ENO4: variants seen among roughly 807,000 people sequenced by gnomAD.
The protein encoded by ENO4 is enolase 4, also known as 2-phospho-D-glycerate hydro-lyase.
Under a neutral mutation model 63.2 loss-of-function variants are expected in ENO4, and 53 were observed. That is an observed-to-expected ratio of 0.84 (90% CI 0.67 to 1.05). ENO4 has a LOEUF of 1.05. Among genes scored for constraint, ENO4 ranks in the 50% least tolerant of loss-of-function variants. ENO4 has a pLI of 0.00. For synonymous variants in ENO4, 266 were observed against 283.8 expected (o/e 0.94, Z 0.63); for missense variants, 719 against 772.0 (o/e 0.93, Z 0.81).
intron 9 of ENO4, among the ~76,000 whole-genome samples, chr10:116,872,155 C>T (rs989876998): frequency 6.6e-6 from 1 of 152,194 alleles, no homozygotes; most frequent in African/African-American, 2.4e-5. Context: ...CAAGATCGTG[C>T]CATTGCACTC....
chr10:116,879,690 T>C (rs1386352884), intron 12 of ENO4, among the ~76,000 whole-genome samples, 179 bp from the exon 13 acceptor site: 2 of 152,344 alleles, frequency 1.3e-5, no homozygotes, highest in Middle Eastern at 3.4e-3. Flanking sequence ...AGCCACATCA[T>C]CTGTTTGCCT....
intron 7 of ENO4, among the ~76,000 whole-genome samples, chr10:116,865,691 G>A (rs752529342): frequency 3.4e-4 from 51 of 152,162 alleles, no homozygotes; most frequent in Middle Eastern, 3.2e-3. Flanking sequence ...TCTTGGCTTG[G>A]AAGGAGAGTT....
chr10:116,906,723 A>G (rs763331501), intron 10 of ENO4: 1 of 1,612,934 alleles, frequency 6.2e-7, no homozygotes, highest in Non-Finnish European at 8.5e-7. Flanking sequence ...AAGCTTCTTG[A>G]ACTAGTGGAT....
chr10:116,886,236 G>C, downstream of ENO4: 2 of 1,451,852 alleles, frequency 1.4e-6, no homozygotes, highest in Non-Finnish European at 1.9e-6. Context: ...CCTGTATTCT[G>C]AATACAGTGA....
At chr10:116,907,236 C>T (rs1341608019) in intron 10 of ENO4, among the ~76,000 whole-genome samples, 2 of 152,130 alleles carry the variant, frequency 1.3e-5, no homozygotes, top group African/African-American at 4.8e-5. Flanking sequence ...GGCGTCGTAG[C>T]TGTCAAAGGA....
rs1332546263 is a variant in ENO4, at chr10:116,856,545, G to T, written c.348G>T (p.Leu116=). 6.5e-7 allele frequency: 1 copy of T among 1,536,126 alleles called. No homozygotes were observed. Among genetic ancestry groups the T allele is most frequent in the South Asian group, 1.2e-5 (1 of 84,060 alleles). The change falls in exon 3 of 14, where the codon CTG becomes CTT. Residue 116 remains leucine (L), a synonymous_variant. Transcript: ENST00000341276. ...ATTTTGAAGTCCATGAGAATGCTCT[G>T]CCCGAGCTGGCCAAGGCGGAGGAGG... ...STHFEVHENA[L]PELAKAEEAE...
At chr10:116,895,931 T>C (rs1847501054) in intron 10 of ENO4, among the ~76,000 whole-genome samples, 6 of 152,140 alleles carry the variant, frequency 3.9e-5, no homozygotes, top group East Asian at 1.9e-4. Context: ...TTAATATTAG[T>C]GAAATACAGT....
At chr10:116,876,948 C>CA (rs1467916452) in intron 11 of ENO4, among the ~76,000 whole-genome samples, 3 of 150,356 alleles carry the variant, frequency 2.0e-5, no homozygotes, top group Non-Finnish European at 4.4e-5. Flanking sequence ...GACTCCGTCT[C>CA]AAAATTAATT....
chr10:116,871,428 C>A, intron 9 of ENO4, 136 bp downstream of exon 9: 1 of 814,698 alleles, frequency 1.2e-6, no homozygotes, highest in Non-Finnish European at 1.8e-6. Flanking sequence ...TGTGAAGGAT[C>A]CAAATATAAT....
chr10:116,852,605 TACAA>T (rs899763490), intron 1 of ENO4, among the ~76,000 whole-genome samples: 6 of 152,324 alleles, frequency 3.9e-5, no homozygotes, highest in African/African-American at 1.2e-4. Flanking sequence ...ACAAACACGA[TACAA>T]ACAGAGAGTT....
intron 10 of ENO4, chr10:116,901,894 C>T: frequency 6.2e-7 from 1 of 1,608,136 alleles, no homozygotes; most frequent in Non-Finnish European, 8.5e-7. Context: ...TTTTGTTACA[C>T]TGGATACAGA....
At chr10:116,854,511 G>A (rs1452128327) in intron 1 of ENO4, among the ~76,000 whole-genome samples, 1 of 149,444 alleles carries the variant, frequency 6.7e-6, no homozygotes, top group Non-Finnish European at 1.5e-5. Context: ...GGTGAGCAGA[G>A]ATCATGCCAT....
chr10:116,880,436 T>C (rs1436156254), intron 13 of ENO4, among the ~76,000 whole-genome samples: 3 of 152,230 alleles, frequency 2.0e-5, no homozygotes, highest in Non-Finnish European at 4.4e-5. Flanking sequence ...AAATCGATCA[T>C]TTAATGAAAT....
In ENO4 at chr10:116,882,200, C is replaced by T. The variant is rs926525693; in HGVS notation, c.*531C>T. The T allele has an allele frequency of 6.6e-6, 1 of 151,982 alleles. No homozygotes were observed. Among genetic ancestry groups the T allele is most frequent in the Admixed American group, 6.5e-5 (1 of 15,274 alleles). The allele number at this position is 151,982 out of a possible 1,614,324, so 9.4% of individuals were successfully genotyped here. A position where few individuals can be genotyped will look rare whatever the true frequency, so the allele number is the denominator to read the frequency against. ...CATCTCACTTTCCTACCCTTGATTC[C>T]TTTTTTCCTAATTCCCTCTCCTTTT... On this transcript the variant is annotated 3_prime_UTR_variant, in exon 14 of 14. Transcript: ENST00000341276.
intron 13 of ENO4, among the ~76,000 whole-genome samples, 192 bp from the exon 14 acceptor site, chr10:116,881,323 G>A (rs933686054): frequency 7.9e-5 from 12 of 152,152 alleles, no homozygotes; most frequent in Non-Finnish European, 1.2e-4. Flanking sequence ...AAGTAAAATC[G>A]AACAGAACAT....
intron 9 of ENO4, 184 bp from the exon 10 acceptor site, chr10:116,873,892 T>C: frequency 3.0e-6 from 3 of 984,624 alleles, no homozygotes; most frequent in Non-Finnish European, 3.6e-6. Flanking sequence ...TGACTTGATT[T>C]CCCAGGTTAA....
At chr10:116,868,777 C>T (rs1013656642) in intron 8 of ENO4, 71 bp downstream of exon 8, 1 of 1,364,476 alleles carries the variant, frequency 7.3e-7, no homozygotes, top group Non-Finnish European at 1.0e-6. Context: ...TTTTTATCTT[C>T]CATAGTCACT....
At chr10:116,893,829 GTAAGT>G (rs980886241) in intron 10 of ENO4, among the ~76,000 whole-genome samples, 17 of 152,082 alleles carry the variant, frequency 1.1e-4, no homozygotes, top group East Asian at 3.8e-4. Context: ...TTTCCCTAAA[GTAAGT>G]TAAGAATCTC....
chr10:116,877,912 CACA>C (rs879669543), intron 11 of ENO4, among the ~76,000 whole-genome samples: 1 of 152,142 alleles, frequency 6.6e-6, no homozygotes, highest in Non-Finnish European at 1.5e-5. Flanking sequence ...CTCACTTGCC[CACA>C]ACTCTTGACC....
Sources: allele counts gnomAD v4.1 joint callset (sites outside exome capture counted in the v4.1 genomes callset), GRCh38; gene constraint gnomAD v4.1.1; transcripts MANE v1.5; gene names NCBI Gene and HGNC (gene_info 2026-07-23, HGNC 2026-07-21).